PTPN18: variants seen among roughly 807,000 people sequenced by gnomAD.
PTPN18 encodes the protein protein tyrosine phosphatase non-receptor type 18.
A neutral mutation model predicts 65.4 loss-of-function variants in PTPN18; 65 were observed. That is an observed-to-expected ratio of 0.99 (90% CI 0.81 to 1.22). PTPN18 has a LOEUF of 1.22. PTPN18 is among the 50% of genes most tolerant of loss of function. The pLI is 0.00. For synonymous variants in PTPN18, 255 were observed against 267.8 expected, an observed-to-expected ratio of 0.95 and a Z score of 0.47; for missense variants, 616 against 646.5, an observed-to-expected ratio of 0.95 and a Z score of 0.51.
chr2:130,357,855 CAAAAA>C (rs549804785), intron 1 of PTPN18, among the ~76,000 whole-genome samples: 1 of 88,724 alleles, frequency 1.1e-5, no homozygotes, highest in African/African-American at 3.4e-5. Flanking sequence ...GACTCCATCT[CAAAAA>C]AAAAAAAAAA....
At chr2:130,371,454 G>T (rs1465700665) in intron 12 of PTPN18, 167 bp downstream of exon 12, 1 of 636,368 alleles carries the variant, frequency 1.6e-6, no homozygotes, top group African/African-American at 1.8e-5. Flanking sequence ...ATTATCCCAA[G>T]ATGATTCATT....
intron 5 of PTPN18, among the ~76,000 whole-genome samples, chr2:130,361,391 G>T (rs1680185071): frequency 6.6e-6 from 1 of 151,910 alleles, no homozygotes; most frequent in South Asian, 2.1e-4. Context: ...ATACATTTAG[G>T]ATTATGTCTT....
rs775276643 is a variant in PTPN18 at position 130,361,584 on chromosome 2, CCTTT to C, written c.414+1949_414+1952del. Among the ~76,000 whole-genome samples, 53 of 97,780 alleles carry C rather than the reference CCTTT, an allele frequency of 5.4e-4. No homozygotes were observed. In the East Asian group the frequency reaches 9.3e-3, roughly 17 times the overall value. 64.1% of individuals were successfully genotyped at this position (97,780 alleles called of 152,430 possible). On this transcript the variant is annotated intron_variant, in intron 5 of 14. Coordinates refer to ENST00000175756, the MANE Select transcript of PTPN18 (RefSeq NM_014369.4). The stretch of plus-strand genomic sequence containing the variant: ...TTTCTTTCCTTTCTTTCCTTTCTTT[CCTTT>C]CTTTCTTTCTGTTTTTTTGAGATGC...
chr2:130,359,303 C>T lies in PTPN18; in HGVS notation c.273C>T (p.Phe91=). 1 of 1,614,220 alleles carries T rather than the reference C, an allele frequency of 6.2e-7. No individual in the cohort carries two copies. Among genetic ancestry groups the T allele is most frequent in the Non-Finnish European group, 8.5e-7 (1 of 1,180,042 alleles). The change falls in exon 3 of 15, where the codon TTC becomes TTT. Residue 91 remains phenylalanine, a synonymous_variant. Transcript: ENST00000175756. The part of the protein sequence containing the change: ...EGHSDYINGN[F]IRGVDGSLAY... ...ACAGCGACTACATTAATGGCAACTT[C>T]ATCCGGGTGAGGGTTGGGGTCACGG...
chr2:130,369,884 C>T, intron 7 of PTPN18, 57 bp downstream of exon 7: 2 of 1,542,812 alleles, frequency 1.3e-6, no homozygotes, highest in East Asian at 2.2e-5. Flanking sequence ...GAGGTTTCCT[C>T]TCCTGTAAAA....
At chr2:130,370,409 T>A in intron 8 of PTPN18, 148 bp from the exon 9 acceptor site, 2 of 1,163,902 alleles carry the variant, frequency 1.7e-6, no homozygotes. Flanking sequence ...TTAAAAAGGT[T>A]TTCCTTGTTC....
intron 5 of PTPN18, among the ~76,000 whole-genome samples, chr2:130,365,487 T>C (rs1238318012): frequency 6.6e-6 from 1 of 152,238 alleles, no homozygotes. Flanking sequence ...TGTATATAAG[T>C]CCCTTATCAG....
chr2:130,372,299 C>A lies in PTPN18; in HGVS notation c.1056C>A (p.Asp352Glu). The change falls in exon 13 of 15, where the codon GAC (aspartate) becomes GAA (glutamate). Residue 352 changes from aspartate to glutamate, a missense_variant. Asp to Glu is a conservative substitution (Grantham distance 45, BLOSUM62 2). Around this residue, in one of 3 missense-constraint regions of PTPN18, gnomAD observed 368 missense variants for 386.7 expected, o/e 0.95. Coordinates refer to ENST00000175756, the MANE Select transcript of PTPN18 (RefSeq NM_014369.4). The stretch of plus-strand genomic sequence containing the variant: ...GGTCCCCGGGCCACGCCATGGCTGA[C>A]ACCTACGCGGTGGTGCAGAAGCGCG... ...VPGSPGHAMA[D>E]TYAVVQKRGA... 1 of 1,550,886 alleles carries A rather than the reference C, an allele frequency of 6.4e-7. No homozygotes were observed. The highest frequency in any genetic ancestry group is 8.6e-7 in the Non-Finnish European group (1 of 1,159,428).
Position 130,359,477 on chromosome 2 carries a change from G to A in PTPN18, c.360G>A (p.Trp120Ter), listed in dbSNP as rs761212121. 1 of 1,614,180 alleles carries A rather than the reference G, an allele frequency of 6.2e-7. No homozygotes were observed. Among genetic ancestry groups the A allele is most frequent in the South Asian group, 1.1e-5 (1 of 91,076 alleles). The change falls in exon 4 of 15, where the codon TGG (tryptophan) becomes TGA (stop). Residue 120 changes from tryptophan to a stop codon, truncating the protein, a stop_gained. Coordinates refer to ENST00000175756, the MANE Select transcript of PTPN18 (RefSeq NM_014369.4). LOFTEE classifies it high-confidence loss of function. Reference protein sequence around the residue: ...HTLLDFWRLVWEFGVKVILMA... With the variant: ...HTLLDFWRLV ...TGCTAGACTTCTGGAGACTGGTCTG[G>A]GAGTTTGGGGTCAAGGTCAGCACTT...
intron 7 of PTPN18, 87 bp downstream of exon 7, chr2:130,369,914 CCACTTCCT>C: frequency 1.3e-6 from 2 of 1,537,938 alleles, no homozygotes; most frequent in Non-Finnish European, 1.8e-6. Context: ...ATACTAGTAC[CCACTTCCT>C]CAGTTATTGT....
At chr2:130,371,162 T>C in intron 11 of PTPN18, 37 bp from the exon 12 acceptor site, 4 of 1,537,620 alleles carry the variant, frequency 2.6e-6, no homozygotes, top group Non-Finnish European at 3.6e-6. Flanking sequence ...CTGGCCAGCT[T>C]CCTCCCTCAG....
intron 1 of PTPN18, 32 bp from the exon 2 acceptor site, chr2:130,358,835 C>T: frequency 1.9e-6 from 3 of 1,573,184 alleles, no homozygotes; most frequent in Non-Finnish European, 2.6e-6. Context: ...CTGTCTTCTC[C>T]CCTCCCTGAC....
chr2:130,369,439 T>TA (rs1397855733), intron 6 of PTPN18, among the ~76,000 whole-genome samples: 1 of 152,232 alleles, frequency 6.6e-6, no homozygotes, highest in African/African-American at 2.4e-5. Flanking sequence ...TTACTTCTCT[T>TA]ACCATTTCAA....
intron 1 of PTPN18, 90 bp from the exon 2 acceptor site, chr2:130,358,765 ACTGGCTTTGTAT>A: frequency 1.1e-6 from 1 of 892,594 alleles, no homozygotes; most frequent in Non-Finnish European, 1.8e-6. Context: ...TCCCCAGGCC[ACTGGCTTTGTAT>A]CCTGCAAGCG....
At chr2:130,357,883 T>TAATTATA (rs1484806799) in intron 1 of PTPN18, among the ~76,000 whole-genome samples, 2 of 148,834 alleles carry the variant, frequency 1.3e-5, no homozygotes, top group Non-Finnish European at 3.0e-5. Context: ...AAGTAACAGA[T>TAATTATA]AATTATAAAC....
intron 1 of PTPN18, 103 bp downstream of exon 1, chr2:130,356,303 C>A: frequency 2.4e-6 from 2 of 823,336 alleles, no homozygotes; most frequent in Non-Finnish European, 3.4e-6. Context: ...TCGGTGTCCC[C>A]GGTGTCTCCC....
In PTPN18 at chr2:130,369,177, G is replaced by C; in HGVS notation, c.459G>C (p.Gln153His). The C allele has an allele frequency of 6.2e-7, 1 of 1,613,522 alleles. No homozygotes were observed. Among genetic ancestry groups the C allele is most frequent in the Non-Finnish European group, 8.5e-7 (1 of 1,179,698 alleles). Residue 153 changes from glutamine (Q) to histidine (H), a missense_variant, in exon 6 of 15, where the codon CAG becomes CAC. Physicochemically the swap from Gln to His is conservative, Grantham distance 24. This residue lies in a region of PTPN18 where 223 missense variants were observed against 210.0 expected (regional missense o/e 1.06). Transcript: ENST00000175756. ...GGGCCCAGGAGCAGGAGCCACTGCA[G>C]ACTGGGCTTTTCTGCATCACTCTGG... ...RYWAQEQEPL[Q>H]TGLFCITLIK...
intron 5 of PTPN18, among the ~76,000 whole-genome samples, chr2:130,361,994 C>CT (rs59423945): frequency 0.12 from 17,932 of 146,052 alleles, 1,482 homozygotes; most frequent in African/African-American, 0.24. Context: ...ATTGTAGGGA[C>CT]TTTTTTTTTT....
In PTPN18 at chr2:130,372,305, C is replaced by G; in HGVS notation, c.1062C>G (p.Tyr354Ter). 6.5e-7 allele frequency: 1 copy of G among 1,537,750 alleles called. No individual in the cohort carries two copies. The highest frequency in any genetic ancestry group is 8.7e-7 in the Non-Finnish European group (1 of 1,154,016). The change falls in exon 13 of 15, where the codon TAC (tyrosine) becomes TAG (stop). Residue 354 changes from tyrosine to a stop codon, truncating the protein, a stop_gained. Coordinates refer to ENST00000175756, the MANE Select transcript of PTPN18 (RefSeq NM_014369.4). LOFTEE classifies it high-confidence loss of function. ...GSPGHAMADT[Y>*]AVVQKRGAPA... ...CGGGCCACGCCATGGCTGACACCTA[C>G]GCGGTGGTGCAGAAGCGCGGGGCTC...
Sources: allele counts gnomAD v4.1 joint callset (sites outside exome capture counted in the v4.1 genomes callset), GRCh38; gene constraint gnomAD v4.1.1; regional missense constraint gnomAD v4.1.1; transcripts MANE v1.5; gene names NCBI Gene and HGNC (gene_info 2026-07-23, HGNC 2026-07-21).